The following ABCA5 variants were observed in gnomAD, a reference collection of about 807,000 sequenced individuals.
ABCA5 encodes ATP binding cassette subfamily A member 5.
ABCA5 carries 163 observed loss-of-function variants against 206.0 expected under a neutral mutation model. The ratio of observed to expected loss-of-function variants is 0.79; its 90% CI spans 0.70 to 0.90. The LOEUF is 0.90. Ranked by LOEUF, ABCA5 falls within the 40% of genes least tolerant of loss-of-function variation. ABCA5 has a pLI of 0.00. For missense variants in ABCA5, 1,859 were observed against 1,912.9 expected (o/e 0.97, Z 0.53); for synonymous variants, 609 against 613.8 (o/e 0.99, Z 0.11).
At chr17:69,277,884 A>C (rs1441735896) in intron 18 of ABCA5, 42 bp from the exon 19 acceptor site, 2 of 1,389,844 alleles carry the variant, frequency 1.4e-6, no homozygotes, top group Non-Finnish European at 1.9e-6. Flanking sequence ...ATGTTCATTA[A>C]AAAAGATACA....
intron 1 of ABCA5, among the ~76,000 whole-genome samples, chr17:69,324,043 C>T (rs1006725169): frequency 6.6e-6 from 1 of 152,098 alleles, no homozygotes; most frequent in African/African-American, 2.4e-5. Context: ...GAGACAGAGA[C>T]CATACTGTCT....
chr17:69,271,751 A>G (rs1467842886), intron 20 of ABCA5, among the ~76,000 whole-genome samples: 1 of 152,214 alleles, frequency 6.6e-6, no homozygotes, highest in African/African-American at 2.4e-5. Context: ...ATAAAAATCT[A>G]TCTGACAATT....
At chr17:69,289,828 A>C in intron 13 of ABCA5, 34 bp downstream of exon 13, 1 of 1,505,894 alleles carries the variant, frequency 6.6e-7, no homozygotes, top group Non-Finnish European at 9.0e-7. Context: ...GATTACAGGA[A>C]ATAAAAGTAA....
chr17:69,308,361 A>G lies in ABCA5; in HGVS notation c.477T>C (p.Cys159=), dbSNP rs1393296730. 6.2e-7 allele frequency: 1 copy of G among 1,610,236 alleles called. No individual in the cohort carries two copies. The highest frequency in any genetic ancestry group is 2.2e-5 in the East Asian group (1 of 44,734). ...SSIYMDSRAG[C]SKSCEAAQYW... is the part of the protein sequence containing the mutation. ...ACTGAGCAGCCTCACATGATTTTGA[A>G]CAGCCAGCTATGGGGGGAAGAATAT... Residue 159 remains cysteine, a synonymous_variant, in exon 5 of 39, where the codon TGT becomes TGC. Coordinates refer to ENST00000392676, the MANE Select transcript of ABCA5 (RefSeq NM_172232.4).
At chr17:69,280,814 C>T (rs1285088495) in intron 18 of ABCA5, among the ~76,000 whole-genome samples, 2 of 152,030 alleles carry the variant, frequency 1.3e-5, no homozygotes, top group African/African-American at 4.8e-5. Flanking sequence ...TATTCTCACT[C>T]ATAGGTGGGA....
At chr17:69,273,187 A>G (rs2075291305) in intron 20 of ABCA5, among the ~76,000 whole-genome samples, 1 of 152,046 alleles carries the variant, frequency 6.6e-6, no homozygotes, top group African/African-American at 2.4e-5. Context: ...AATATATTCA[A>G]TTAGAGATAT....
intron 11 of ABCA5, among the ~76,000 whole-genome samples, chr17:69,293,855 TGTGTGTGTGTGTGTGTGC>T (rs749352576): frequency 0.055 from 6,191 of 113,368 alleles, 173 homozygotes; most frequent in Non-Finnish European, 0.079. Flanking sequence ...TGTGTGTGTG[TGTGTGTGTGTGTGTGTGC>T]GTGTGTGTGT....
intron 7 of ABCA5, among the ~76,000 whole-genome samples, 163 bp from the exon 8 acceptor site, chr17:69,303,069 T>C (rs2075668960): frequency 1.3e-5 from 2 of 152,306 alleles, no homozygotes; most frequent in Admixed American, 6.5e-5. Flanking sequence ...TTCAAACAAA[T>C]AGTGATATAC....
rs978905563 is a variant in ABCA5 at position 69,245,751 on chromosome 17, A to T, written c.*1786T>A. 6.6e-6 allele frequency: 1 copy of T among 152,010 alleles called. No homozygotes were observed. Among genetic ancestry groups the T allele is most frequent in the Non-Finnish European group, 1.5e-5 (1 of 67,854 alleles). 9.4% of individuals were successfully genotyped at this position (152,010 alleles called of 1,614,324 possible). On this transcript the variant is annotated 3_prime_UTR_variant, in exon 39 of 39. Coordinates refer to ENST00000392676, the MANE Select transcript of ABCA5 (RefSeq NM_172232.4). ...TCAACTTTCACTTTGCAGGAAAAAA[A>T]ATTTACTTTGCACCAATTACACATT... is the stretch of plus-strand genomic sequence containing the variant.
At chr17:69,321,194 A>T (rs1280654115) in intron 1 of ABCA5, among the ~76,000 whole-genome samples, 1 of 151,938 alleles carries the variant, frequency 6.6e-6, no homozygotes, top group Non-Finnish European at 1.5e-5. Context: ...TATATTGACG[A>T]ACACCCAAAA....
intron 3 of ABCA5, among the ~76,000 whole-genome samples, chr17:69,312,147 C>T (rs980827462): frequency 6.6e-6 from 1 of 152,178 alleles, no homozygotes; most frequent in Admixed American, 6.5e-5. Flanking sequence ...CAATTTAGCA[C>T]TTCCTTGTTT....
At chr17:69,249,702 G>A in intron 37 of ABCA5, 2 of 575,126 alleles carry the variant, frequency 3.5e-6, no homozygotes. Context: ...TGAATAAAAG[G>A]TTATCTTCTT....
Position 69,301,303 on chromosome 17 carries a change from C to G in ABCA5, c.1120-17G>C. On this transcript the variant is annotated splice_polypyrimidine_tract_variant and intron_variant, in intron 8 of 38. Coordinates refer to ENST00000392676, the MANE Select transcript of ABCA5 (RefSeq NM_172232.4). ...ATGCATGACCTGAAAAATACAAACA[C>G]TAACTTTATTACATAAAAATGACAA... 6.3e-7 allele frequency: 1 copy of G among 1,580,238 alleles called. No individual in the cohort carries two copies. The highest frequency in any genetic ancestry group is 8.5e-7 in the Non-Finnish European group (1 of 1,170,756).
chr17:69,252,015 G>GCCTTTT, intron 34 of ABCA5, 149 bp from the exon 35 acceptor site: 2 of 432,586 alleles, frequency 4.6e-6, no homozygotes, highest in East Asian at 4.2e-5. Context: ...GCCCAACTAT[G>GCCTTTT]ATTTTTTTTT....
intron 10 of ABCA5, 89 bp downstream of exon 10, chr17:69,297,102 A>G (rs2075592046): frequency 7.9e-7 from 1 of 1,272,786 alleles, no homozygotes; most frequent in African/African-American, 1.5e-5. Flanking sequence ...CAAATCTAAT[A>G]TACCATATTT....
chr17:69,255,418 C>G, intron 31 of ABCA5, 125 bp downstream of exon 31: 1 of 556,058 alleles, frequency 1.8e-6, no homozygotes, highest in Non-Finnish European at 3.0e-6. Flanking sequence ...TTTGATCAGG[C>G]TGTACAAAAA....
At chr17:69,271,312 T>A in intron 20 of ABCA5, 23 bp from the exon 21 acceptor site, 1 of 1,592,588 alleles carries the variant, frequency 6.3e-7, no homozygotes, top group Admixed American at 1.8e-5. Context: ...AATAAGCAAA[T>A]AATAAAAAAT....
chr17:69,317,724 C>T (rs567005761), intron 1 of ABCA5: 1 of 152,226 alleles, frequency 6.6e-6, no homozygotes, highest in African/African-American at 2.4e-5. Context: ...GTCCAGTATC[C>T]CTCTTCCAGG....
intron 23 of ABCA5, 141 bp from the exon 24 acceptor site, chr17:69,265,046 T>A (rs892298341): frequency 3.9e-5 from 19 of 484,550 alleles, no homozygotes; most frequent in Non-Finnish European, 6.5e-5. Flanking sequence ...GTAATAAAAG[T>A]CCCCCTCACA....
Sources: allele counts gnomAD v4.1 joint callset (sites outside exome capture counted in the v4.1 genomes callset), GRCh38; gene constraint gnomAD v4.1.1; transcripts MANE v1.5; gene names NCBI Gene and HGNC (gene_info 2026-07-23, HGNC 2026-07-21).